PI15: variants seen among roughly 807,000 people sequenced by gnomAD.
PI15 encodes the protein 25 kDa trypsin inhibitor.
In PI15, 18 loss-of-function variants were observed where a neutral mutation model predicts 31.0. The ratio of observed to expected loss-of-function variants is 0.58; its 90% confidence interval spans 0.40 to 0.86. The LOEUF (loss-of-function observed/expected upper bound fraction) is 0.86, where lower values mean the gene tolerates loss of function less well. Among genes scored for constraint, PI15 ranks in the 40% least tolerant of loss-of-function variants. The pLI, the probability that PI15 is intolerant of heterozygous loss-of-function variation, is 0.00. For missense variants in PI15, 282 were observed against 328.1 expected, an observed-to-expected ratio of 0.86 and a Z score of 1.09; for synonymous variants, 118 against 119.1, an observed-to-expected ratio of 0.99 and a Z score of 0.06.
At chr8:74,826,934 G>T (rs972715170) in intron 2 of PI15, among the ~76,000 whole-genome samples, 1 of 152,128 alleles carries the variant, frequency 6.6e-6, no homozygotes, top group East Asian at 1.9e-4. Flanking sequence ...AAGACAAAAA[G>T]TTACCCATAC....
rs927242318 is a variant in PI15 at position 74,854,521 on chromosome 8, A to C, written c.*5268A>C. 5 of 152,156 alleles carry C rather than the reference A, an allele frequency of 3.3e-5. No individual in the cohort carries two copies. The highest frequency in any genetic ancestry group is 3.9e-4 in the East Asian group (2 of 5,176). The allele number at this position is 152,156 out of a possible 1,614,324, so 9.4% of individuals were successfully genotyped here. On this transcript the variant is annotated 3_prime_UTR_variant, in exon 6 of 6. Coordinates refer to ENST00000260113, the MANE Select transcript of PI15 (RefSeq NM_015886.5). ...TTAGCTCCCTCTTTTTTCTCTAAAAACAATCAGCTAATAAAAAAAAAATTT... is the reference window on the plus strand; with the variant it reads ...TTAGCTCCCTCTTTTTTCTCTAAAACCAATCAGCTAATAAAAAAAAAATTT...
chr8:74,846,814 A>G (rs929410899), intron 5 of PI15, among the ~76,000 whole-genome samples: 1 of 152,004 alleles, frequency 6.6e-6, no homozygotes, highest in Non-Finnish European at 1.5e-5. Context: ...GAGAGAGAGG[A>G]GGAGGAATGG....
chr8:74,825,797 T>C (rs1175267726), intron 2 of PI15, among the ~76,000 whole-genome samples: 6 of 152,028 alleles, frequency 3.9e-5, no homozygotes, highest in Non-Finnish European at 1.5e-5. Context: ...GTGAATTGTA[T>C]CTTATGTAAG....
chr8:74,826,368 A>AGG (rs960602589), intron 2 of PI15: 1 of 663,928 alleles, frequency 1.5e-6, no homozygotes, highest in African/African-American at 2.0e-5. Context: ...GGGTGAGGGG[A>AGG]GGGGGTACCA....
chr8:74,848,971 A>G (rs1297782243), intron 5 of PI15, 147 bp from the exon 6 acceptor site: 3 of 630,070 alleles, frequency 4.8e-6, no homozygotes, highest in Admixed American at 2.9e-5. Context: ...GAAATAAGAA[A>G]TGATTATAAC....
intron 2 of PI15, among the ~76,000 whole-genome samples, chr8:74,837,918 C>G (rs531925704): frequency 3.9e-5 from 6 of 152,144 alleles, no homozygotes; most frequent in African/African-American, 1.4e-4. Flanking sequence ...ATAGACTTCT[C>G]AAAGTTCACT....
At chr8:74,825,150 T>TGGGG in intron 1 of PI15, 60 bp from the exon 2 acceptor site, 3 of 926,280 alleles carry the variant, frequency 3.2e-6, no homozygotes, top group Non-Finnish European at 5.0e-6. Context: ...TCTTTGTAAA[T>TGGGG]TCATACCCTC....
At chr8:74,834,603 T>C (rs1427690373) in intron 2 of PI15, among the ~76,000 whole-genome samples, 3 of 152,174 alleles carry the variant, frequency 2.0e-5, no homozygotes, top group Non-Finnish European at 4.4e-5. Context: ...AAGAAGTTTA[T>C]CATTAAGGAA....
intron 2 of PI15, among the ~76,000 whole-genome samples, chr8:74,838,177 C>T (rs958632570): frequency 1.3e-5 from 2 of 151,198 alleles, no homozygotes; most frequent in South Asian, 2.1e-4. Flanking sequence ...AGAAATGTAG[C>T]GATTCATTTC....
chr8:74,828,860 A>C (rs927685378), intron 2 of PI15, among the ~76,000 whole-genome samples: 2 of 152,032 alleles, frequency 1.3e-5, no homozygotes, highest in Non-Finnish European at 2.9e-5. Flanking sequence ...CCTTCCCTCT[A>C]AAGTCTCTTC....
chr8:74,825,415 GC>G lies in PI15; in HGVS notation c.168del (p.Arg57GlyfsTer11), dbSNP rs1563563180. The G allele has an allele frequency of 6.2e-7, 1 of 1,613,302 alleles. No individual in the cohort carries two copies. ...AQLDSADIPKARRKRYISQND... is the reference protein window; with the variant it reads ...AQLDSADIPKXRRKRYISQND... The stretch of plus-strand genomic sequence containing the variant: ...ATTAGATTCAGCGGATATCCCCAAA[GC>G]CAGGCGGAAGCGCTACATTTCGCAG... On this transcript the variant is annotated frameshift_variant, in exon 2 of 6. Coordinates refer to ENST00000260113, the MANE Select transcript of PI15 (RefSeq NM_015886.5). LOFTEE classifies it high-confidence loss of function.
intron 2 of PI15, among the ~76,000 whole-genome samples, chr8:74,839,921 A>C (rs546939509): frequency 1.3e-5 from 2 of 152,180 alleles, no homozygotes; most frequent in Non-Finnish European, 2.9e-5. Flanking sequence ...TCAAATGTTT[A>C]TACAATTTAC....
rs117328898 is a variant in PI15, at chr8:74,853,715, C to T, written c.*4462C>T. On this transcript the variant is annotated 3_prime_UTR_variant, in exon 6 of 6. Coordinates refer to ENST00000260113, the MANE Select transcript of PI15 (RefSeq NM_015886.5). ...CATATGTTTCCTACATCTGACAGCA[C>T]CTAAAATGTTTGATAATATTAACAT... 3,372 of 152,448 alleles carry T rather than the reference C, an allele frequency of 0.022. 50 individuals carry two copies. The highest frequency in any genetic ancestry group is 0.03 in the African/African-American group (1,256 of 41,482). 9.4% of individuals were successfully genotyped at this position (152,448 alleles called of 1,614,324 possible). A position where few individuals can be genotyped will look rare whatever the true frequency, so the allele number is the denominator to read the frequency against.
intron 2 of PI15, among the ~76,000 whole-genome samples, chr8:74,830,357 ATTTG>A (rs1810764261): frequency 6.6e-6 from 1 of 152,160 alleles, no homozygotes; most frequent in South Asian, 2.1e-4. Flanking sequence ...TATCTCTTTT[ATTTG>A]TTTGATACCT....
chr8:74,825,535 C>A lies in PI15; in HGVS notation c.273+13C>A, dbSNP rs1426409309. The A allele has an allele frequency of 5.6e-6, 8 of 1,420,182 alleles. No homozygotes were observed. The highest frequency in any genetic ancestry group is 1.3e-5 in the South Asian group (1 of 79,872). The allele number at this position is 1,420,182 out of a possible 1,614,324, so 88.0% of individuals were successfully genotyped here. On this transcript the variant is annotated intron_variant, in intron 2 of 5. Coordinates refer to ENST00000260113, the MANE Select transcript of PI15 (RefSeq NM_015886.5). Reference sequence around the variant, plus strand: ...TATGGAATATATGGTAAGAAGAATTCTTTTTTTTTTTTTTAAGTTCTGAGT... The same window carrying A: ...TATGGAATATATGGTAAGAAGAATTATTTTTTTTTTTTTTAAGTTCTGAGT...
intron 2 of PI15, among the ~76,000 whole-genome samples, chr8:74,830,643 T>C (rs1810768090): frequency 6.6e-6 from 1 of 152,070 alleles, no homozygotes. Flanking sequence ...CTACTTTTTG[T>C]TTTTCTTTCT....
intron 1 of PI15, 26 bp from the exon 2 acceptor site, chr8:74,825,184 C>G: frequency 7.0e-7 from 1 of 1,438,004 alleles, no homozygotes; most frequent in Non-Finnish European, 9.7e-7. Flanking sequence ...TTTCATAGAC[C>G]CTAACTCTAC....
At chr8:74,833,755 G>GT (rs1228492969) in intron 2 of PI15, among the ~76,000 whole-genome samples, 1 of 152,192 alleles carries the variant, frequency 6.6e-6, no homozygotes, top group African/African-American at 2.4e-5. Flanking sequence ...TTTGGAGAGC[G>GT]TAAGTAACTT....
intron 2 of PI15, among the ~76,000 whole-genome samples, chr8:74,832,376 T>G (rs1275401562): frequency 6.6e-6 from 1 of 152,118 alleles, no homozygotes; most frequent in Admixed American, 6.6e-5. Context: ...AACATTCTTC[T>G]ACTACAAAGA....
Sources: gnomAD v4.1 joint callset for allele counts (sites outside exome capture counted in the v4.1 genomes callset) on GRCh38, gnomAD v4.1.1 for gene constraint, MANE v1.5 for transcripts, NCBI Gene and HGNC (gene_info 2026-07-23, HGNC 2026-07-21) for gene names.